Variants in CIROZ observed in about 807,000 individuals in gnomAD.
CIROZ encodes the protein ciliated left-right organizer ZP-N domains-containing protein.
chr1:10,970,863 C>A, the CIROZ span, among the ~76,000 whole-genome samples: 1 of 149,558 alleles, frequency 6.7e-6, no homozygotes, highest in Non-Finnish European at 1.5e-5. Context: ...TATGAGTACT[C>A]GCCAGGCATG....
chr1:10,964,080 A>G, the CIROZ span: 2 of 1,601,582 alleles, frequency 1.2e-6, no homozygotes, highest in Non-Finnish European at 8.5e-7. Flanking sequence ...AGAGAAGCCC[A>G]GCCTGGGAGG....
At chr1:10,974,180 C>T in the CIROZ span, among the ~76,000 whole-genome samples, 7 of 152,094 alleles carry the variant, frequency 4.6e-5, no homozygotes, top group African/African-American at 1.7e-4. The surrounding 1 kb of genome is among the most constrained non-coding windows in gnomAD (Gnocchi z 4.4). Context: ...CTGCCAGTCC[C>T]CTGGACTGGA....
the CIROZ span, among the ~76,000 whole-genome samples, chr1:10,956,249 T>A: frequency 1.3e-5 from 2 of 152,152 alleles, no homozygotes; most frequent in Admixed American, 1.3e-4. Context: ...GACCTCTTTA[T>A]ATGACATAAG....
chr1:10,953,027 TA>T, the CIROZ span, among the ~76,000 whole-genome samples: 2 of 152,218 alleles, frequency 1.3e-5, no homozygotes, highest in Non-Finnish European at 1.5e-5. Flanking sequence ...CCAAAATGTG[TA>T]AAAATTTTCA....
At chr1:10,951,660 T>C in the CIROZ span, among the ~76,000 whole-genome samples, 1 of 149,980 alleles carries the variant, frequency 6.7e-6, no homozygotes, top group Non-Finnish European at 1.5e-5. Context: ...AGGAGCTCAA[T>C]GTTATAATGA....
chr1:10,948,834 C>A, the CIROZ span: 1 of 1,495,444 alleles, frequency 6.7e-7, no homozygotes, highest in South Asian at 1.5e-5. Flanking sequence ...CAGGAATGGT[C>A]CAAGCCCCTT....
the CIROZ span, among the ~76,000 whole-genome samples, chr1:10,966,914 C>T: frequency 9.9e-5 from 15 of 151,936 alleles, no homozygotes; most frequent in Non-Finnish European, 2.1e-4. Flanking sequence ...TTTGGGAGGC[C>T]GAGGTGGGAG....
At chr1:10,974,383 G>A in the CIROZ span, among the ~76,000 whole-genome samples, 1 of 152,112 alleles carries the variant, frequency 6.6e-6, no homozygotes, top group African/African-American at 2.4e-5. This position sits in a 1 kb window ranked among gnomAD's most constrained non-coding sequence, Gnocchi z 4.4. Context: ...GCAGTAGAGG[G>A]TGGGACGACC....
chr1:10,949,729 C>T, the CIROZ span: 67 of 1,591,586 alleles, frequency 4.2e-5, no homozygotes, highest in African/African-American at 1.1e-4. Context: ...GTGGCACTCC[C>T]GCTGGAGGGG....
chr1:10,979,111 C>A, the CIROZ span, among the ~76,000 whole-genome samples: 1 of 152,136 alleles, frequency 6.6e-6, no homozygotes, highest in African/African-American at 2.4e-5. Flanking sequence ...CGTGCCTCAG[C>A]CTCCTGAGTA....
At chr1:10,975,179 G>C in the CIROZ span, among the ~76,000 whole-genome samples, 14 of 152,048 alleles carry the variant, frequency 9.2e-5, no homozygotes, top group Non-Finnish European at 1.0e-4. Flanking sequence ...AGGCCGAGGC[G>C]GGTGGATCAC....
chr1:10,976,133 C>A, the CIROZ span: 1 of 1,529,740 alleles, frequency 6.5e-7, no homozygotes, highest in South Asian at 1.2e-5. Flanking sequence ...CTGATGCCAA[C>A]CATAAAAGTG....
At chr1:10,966,920 G>A in the CIROZ span, among the ~76,000 whole-genome samples, 1 of 151,974 alleles carries the variant, frequency 6.6e-6, no homozygotes, top group African/African-American at 2.4e-5. Flanking sequence ...AGGCCGAGGT[G>A]GGAGGATCAC....
the CIROZ span, among the ~76,000 whole-genome samples, chr1:10,956,578 C>T: frequency 3.3e-5 from 5 of 151,998 alleles, no homozygotes; most frequent in South Asian, 4.2e-4. Context: ...CAGGTTCACG[C>T]CATTCTCCTG....
the CIROZ span, among the ~76,000 whole-genome samples, chr1:10,975,226 C>A: frequency 6.6e-6 from 1 of 151,730 alleles, no homozygotes; most frequent in Non-Finnish European, 1.5e-5. Context: ...GCTAACATGG[C>A]GAAACCCCGT....
At chr1:10,971,927 C>T in the CIROZ span, among the ~76,000 whole-genome samples, 1 of 152,184 alleles carries the variant, frequency 6.6e-6, no homozygotes, top group South Asian at 2.1e-4. Flanking sequence ...GAAGCCATGA[C>T]CCAGAGATTT....
At chr1:10,968,535 G>A in the CIROZ span, among the ~76,000 whole-genome samples, 3,181 of 152,282 alleles carry the variant, frequency 0.021, 101 homozygotes, top group African/African-American at 0.072. Flanking sequence ...AGCTCGCTGG[G>A]GAAATAAAGT....
the CIROZ span, chr1:10,954,856 G>T: frequency 2.0e-6 from 2 of 979,316 alleles, no homozygotes; most frequent in Non-Finnish European, 2.9e-6. Context: ...GCTTCCCAAA[G>T]TGCTGGGATT....
chr1:10,976,337 CTTTT>C, the CIROZ span: 12 of 711,082 alleles, frequency 1.7e-5, no homozygotes, highest in Non-Finnish European at 2.0e-5. Context: ...CATTATATTT[CTTTT>C]TTTTTTTTTT....
Sources: allele counts gnomAD v4.1 joint callset (sites outside exome capture counted in the v4.1 genomes callset), GRCh38; gene constraint gnomAD v4.1.1; non-coding constraint Gnocchi (gnomAD v3.1); transcripts MANE v1.5; gene names NCBI Gene and HGNC (gene_info 2026-07-23, HGNC 2026-07-21).